BTBD9: variants seen among roughly 807,000 people sequenced by gnomAD.
The protein encoded by BTBD9 is BTB/POZ domain-containing protein 9.
A neutral mutation model predicts 64.3 loss-of-function variants in BTBD9; 49 were observed. That is an observed-to-expected ratio of 0.76 (90% CI 0.61 to 0.97). The LOEUF is 0.97. BTBD9 is among the 50% of genes least tolerant of loss of function. BTBD9 has a pLI of 0.00. For synonymous variants in BTBD9, 260 were observed against 274.7 expected (o/e 0.95, Z 0.53); for missense variants, 598 against 762.1 (o/e 0.78, Z 2.53).
intron 9 of BTBD9, among the ~76,000 whole-genome samples, chr6:38,223,956 T>C (rs890616163): frequency 2.0e-5 from 3 of 152,184 alleles, no homozygotes; most frequent in Admixed American, 6.5e-5. Context: ...CTCACATCTG[T>C]AATCCCAGAA....
intron 1 of BTBD9, among the ~76,000 whole-genome samples, chr6:38,635,856 A>G (rs1390820474): frequency 6.6e-6 from 1 of 152,194 alleles, no homozygotes; most frequent in African/African-American, 2.4e-5. Flanking sequence ...ATTATGAAAC[A>G]TAAAATATGA....
At chr6:38,496,479 C>CA (rs549659852) in intron 6 of BTBD9, among the ~76,000 whole-genome samples, 2,126 of 146,828 alleles carry the variant, frequency 0.014, 43 homozygotes, top group African/African-American at 0.049. Flanking sequence ...TCTGTCACTA[C>CA]AAAAAAAAAA....
At chr6:38,571,506 GCCTAGAA>G (rs987532994) in intron 6 of BTBD9, among the ~76,000 whole-genome samples, 1 of 152,120 alleles carries the variant, frequency 6.6e-6, no homozygotes, top group Non-Finnish European at 1.5e-5. Flanking sequence ...AATGAGGGGG[GCCTAGAA>G]TGTATAGTAG....
chr6:38,179,420 G>A (rs956948576), intron 10 of BTBD9: 3 of 456,736 alleles, frequency 6.6e-6, no homozygotes, highest in Non-Finnish European at 1.3e-5. Context: ...TGGAAGGGAC[G>A]GGGGCGGGCA....
At chr6:38,403,090 AG>A (rs1767009103) in intron 6 of BTBD9, among the ~76,000 whole-genome samples, 1 of 135,272 alleles carries the variant, frequency 7.4e-6, no homozygotes, top group African/African-American at 2.8e-5. Context: ...AGGGAAGGGG[AG>A]GGGAAGGGAG....
intron 6 of BTBD9, among the ~76,000 whole-genome samples, chr6:38,398,815 T>A (rs1290334538): frequency 1.3e-5 from 2 of 152,222 alleles, no homozygotes; most frequent in African/African-American, 2.4e-5. Context: ...AACATATAAT[T>A]ATTTAATTTA....
intron 1 of BTBD9, among the ~76,000 whole-genome samples, chr6:38,600,627 A>T (rs1156664110): frequency 6.6e-6 from 1 of 152,206 alleles, no homozygotes; most frequent in Non-Finnish European, 1.5e-5. Context: ...TGCAATGTAT[A>T]TACCCAGTAA....
intron 9 of BTBD9, among the ~76,000 whole-genome samples, chr6:38,237,841 T>TAA (rs70981532): frequency 0.11 from 16,369 of 149,760 alleles, 1,249 homozygotes; most frequent in African/African-American, 0.21. Flanking sequence ...TCCAATGTTT[T>TAA]AAAAAAAAAA....
chr6:38,379,552 T>C (rs867491511), intron 6 of BTBD9, among the ~76,000 whole-genome samples: 3 of 152,106 alleles, frequency 2.0e-5, no homozygotes, highest in Middle Eastern at 3.2e-3. Context: ...GAGGCTCAGA[T>C]TGACAGCTGT....
chr6:38,450,398 TGA>T (rs1389632854), intron 6 of BTBD9, among the ~76,000 whole-genome samples: 17 of 152,168 alleles, frequency 1.1e-4, no homozygotes, highest in Non-Finnish European at 2.2e-4. Flanking sequence ...TGAAAAACGC[TGA>T]GAGAGTGGAT....
chr6:38,179,339 A>G, intron 10 of BTBD9: 1 of 409,664 alleles, frequency 2.4e-6, no homozygotes, highest in Non-Finnish European at 5.0e-6. Flanking sequence ...AAATCAAGAA[A>G]GATCAGAATT....
At chr6:38,583,868 A>G (rs1776398392) in intron 4 of BTBD9, among the ~76,000 whole-genome samples, 1 of 152,240 alleles carries the variant, frequency 6.6e-6, no homozygotes, top group Admixed American at 6.5e-5. Context: ...ATTGGATAAA[A>G]ATATAACTCC....
intron 6 of BTBD9, among the ~76,000 whole-genome samples, chr6:38,502,000 A>C (rs1384483948): frequency 6.6e-6 from 1 of 152,198 alleles, no homozygotes; most frequent in Non-Finnish European, 1.5e-5. Flanking sequence ...GGCTCCTGGG[A>C]ACAAAAGTTT....
intron 8 of BTBD9, among the ~76,000 whole-genome samples, chr6:38,277,039 T>C (rs750263835): frequency 1.3e-5 from 2 of 152,216 alleles, no homozygotes; most frequent in Non-Finnish European, 2.9e-5. Flanking sequence ...TGGTAAACTA[T>C]AGTTAACTAA....
intron 9 of BTBD9, among the ~76,000 whole-genome samples, chr6:38,201,570 A>G (rs1762463792): frequency 6.6e-6 from 1 of 152,232 alleles, no homozygotes. Flanking sequence ...CGTATTCAAC[A>G]TAGTACTAGA....
At chr6:38,314,853 AATTT>A (rs1762975426) in intron 7 of BTBD9, among the ~76,000 whole-genome samples, 1 of 151,860 alleles carries the variant, frequency 6.6e-6, no homozygotes, top group Non-Finnish European at 1.5e-5. Flanking sequence ...CTGATTAATT[AATTT>A]ATTTATTTTT....
At chr6:38,291,398 A>G (rs1199480040) in intron 7 of BTBD9, among the ~76,000 whole-genome samples, 2 of 152,234 alleles carry the variant, frequency 1.3e-5, no homozygotes, top group Non-Finnish European at 1.5e-5. Flanking sequence ...TTTTGGGTTG[A>G]GACGATGGGA....
intron 6 of BTBD9, among the ~76,000 whole-genome samples, chr6:38,566,999 T>G (rs564338429): frequency 2.3e-4 from 35 of 152,202 alleles, no homozygotes; most frequent in African/African-American, 8.2e-4. Context: ...AGTTTTTCAT[T>G]ACTGTTGATT....
chr6:38,328,608 T>TGTGTGTGTGTGTGTGC (rs1763537011), intron 7 of BTBD9, among the ~76,000 whole-genome samples: 1 of 145,864 alleles, frequency 6.9e-6, no homozygotes, highest in Non-Finnish European at 1.5e-5. Flanking sequence ...TGTGTGTGTG[T>TGTGTGTGTGTGTGTGC]GTGTTTTATG....
Sources: allele counts gnomAD v4.1 joint callset (sites outside exome capture counted in the v4.1 genomes callset), GRCh38; gene constraint gnomAD v4.1.1; transcripts MANE v1.5; gene names NCBI Gene and HGNC (gene_info 2026-07-23, HGNC 2026-07-21).